AGBL4: variants seen among roughly 807,000 people sequenced by gnomAD.
The protein encoded by AGBL4 is AGBL carboxypeptidase 4, also known as cytosolic carboxypeptidase 6.
AGBL4 carries 58 observed loss-of-function variants against 66.4 expected under a neutral mutation model. The observed-to-expected ratio is 0.87, with a 90% CI of 0.71 to 1.09. The LOEUF (loss-of-function observed/expected upper bound fraction) is 1.09. Among genes scored for constraint, AGBL4 ranks in the 50% least tolerant of loss-of-function variants. The probability of loss-of-function intolerance (pLI) is 0.00; values close to 1 mark genes in which losing one functional copy is unlikely to be tolerated. For missense variants in AGBL4, 579 were observed against 631.0 expected (o/e 0.92, Z 0.88); for synonymous variants, 234 against 222.9 (o/e 1.05, Z -0.44).
At chr1:48,752,799 G>T (rs1424410689) in intron 6 of AGBL4, among the ~76,000 whole-genome samples, 2 of 152,062 alleles carry the variant, frequency 1.3e-5, no homozygotes, top group Non-Finnish European at 2.9e-5. Context: ...CGCCAGGCTG[G>T]AGTGCAGTGG....
chr1:49,197,072 A>G (rs1203414992), intron 4 of AGBL4, among the ~76,000 whole-genome samples: 2 of 152,032 alleles, frequency 1.3e-5, no homozygotes, highest in Admixed American at 1.3e-4. Context: ...CAAGTAATCT[A>G]CCTGCTTTAG....
chr1:49,196,494 T>C (rs1647261311), intron 4 of AGBL4, among the ~76,000 whole-genome samples: 1 of 152,188 alleles, frequency 6.6e-6, no homozygotes, highest in South Asian at 2.1e-4. Flanking sequence ...AAGTTTTTTA[T>C]CTGGCATTTC....
At chr1:50,018,423 AATT>A (rs1242733356) in intron 1 of AGBL4, among the ~76,000 whole-genome samples, 1 of 152,168 alleles carries the variant, frequency 6.6e-6, no homozygotes, top group Non-Finnish European at 1.5e-5. Flanking sequence ...AACTTGCAAT[AATT>A]TTTATAATGA....
intron 9 of AGBL4, among the ~76,000 whole-genome samples, chr1:48,625,595 C>T (rs1290272664): frequency 1.3e-5 from 2 of 152,132 alleles, no homozygotes; most frequent in Admixed American, 6.5e-5. Flanking sequence ...CTAATCCTAA[C>T]AGAAATTCCA....
chr1:48,579,037 C>A (rs960982042), intron 11 of AGBL4, among the ~76,000 whole-genome samples: 3 of 152,044 alleles, frequency 2.0e-5, no homozygotes, highest in African/African-American at 7.3e-5. Context: ...AAAGCCCAGG[C>A]CTGTCTCCAG....
rs144590866 is a variant in AGBL4 at position 48,946,841 on chromosome 1, G to A, written c.595-79611C>T. Among the ~76,000 whole-genome samples the A allele has an allele frequency of 2.3e-3, 344 of 152,248 alleles. 1 individual carries two copies. The highest frequency in any genetic ancestry group is 9.7e-3 in the South Asian group (47 of 4,826). ...AAGGGGACTTAGGTGATGACATCCC[G>A]GAGGAAGTAAAAGTAAAGCCAGTCT... On this transcript the variant is annotated intron_variant, in intron 5 of 13. Coordinates refer to ENST00000371839, the MANE Select transcript of AGBL4 (RefSeq NM_032785.4).
At chr1:49,505,344 T>C (rs948342467) in intron 3 of AGBL4, among the ~76,000 whole-genome samples, 4 of 152,056 alleles carry the variant, frequency 2.6e-5, no homozygotes, top group African/African-American at 9.7e-5. Context: ...CTCATATGTT[T>C]TTGTGTCACT....
intron 3 of AGBL4, among the ~76,000 whole-genome samples, chr1:49,571,392 T>C (rs1644328343): frequency 1.3e-5 from 2 of 152,084 alleles, no homozygotes; most frequent in African/African-American, 4.8e-5. Flanking sequence ...TATTGGTGTA[T>C]AGAAATGCTA....
At chr1:49,522,336 TCTAGC>T (rs1468119545) in intron 3 of AGBL4, among the ~76,000 whole-genome samples, 1 of 152,106 alleles carries the variant, frequency 6.6e-6, no homozygotes, top group Non-Finnish European at 1.5e-5. Context: ...CTAATCAACA[TCTAGC>T]CTGTTTCAAA....
At chr1:49,145,621 T>C (rs577109448) in intron 4 of AGBL4, among the ~76,000 whole-genome samples, 8 of 152,000 alleles carry the variant, frequency 5.3e-5, no homozygotes, top group Admixed American at 6.5e-5. Flanking sequence ...AAGACAGGGT[T>C]GGAATCCAGG....
chr1:49,074,071 C>T (rs1051542159), intron 4 of AGBL4, among the ~76,000 whole-genome samples: 5 of 152,180 alleles, frequency 3.3e-5, no homozygotes, highest in South Asian at 2.1e-4. Flanking sequence ...TCAGCAATGG[C>T]GGATGCCCCT....
intron 1 of AGBL4, among the ~76,000 whole-genome samples, chr1:49,879,395 T>C (rs962650911): frequency 2.7e-5 from 4 of 148,772 alleles, no homozygotes; most frequent in African/African-American, 5.0e-5. Context: ...GTCTGTAAAG[T>C]ATTTTATTTC....
intron 1 of AGBL4, among the ~76,000 whole-genome samples, chr1:49,949,276 A>G (rs1655852539): frequency 6.6e-6 from 1 of 152,034 alleles, no homozygotes; most frequent in African/African-American, 2.4e-5. Context: ...AAAAAATAAC[A>G]TCAGAAACAC....
At chr1:49,401,854 A>G (rs1375170176) in intron 3 of AGBL4, among the ~76,000 whole-genome samples, 1 of 152,074 alleles carries the variant, frequency 6.6e-6, no homozygotes, top group African/African-American at 2.4e-5. Context: ...CTTTGATTTC[A>G]TTACTTATTA....
intron 3 of AGBL4, among the ~76,000 whole-genome samples, chr1:49,326,504 A>T (rs1645231066): frequency 6.6e-6 from 1 of 152,200 alleles, no homozygotes; most frequent in Non-Finnish European, 1.5e-5. Context: ...TTATCCAGGG[A>T]TAGTATAAAG....
intron 3 of AGBL4, among the ~76,000 whole-genome samples, chr1:49,488,277 T>G (rs913509503): frequency 2.6e-5 from 4 of 151,716 alleles, no homozygotes; most frequent in Admixed American, 2.0e-4. Flanking sequence ...TGTTATATAT[T>G]CTTTGTCCAC....
intron 2 of AGBL4, among the ~76,000 whole-genome samples, chr1:49,739,968 T>A (rs945229533): frequency 6.6e-6 from 1 of 152,096 alleles, no homozygotes; most frequent in South Asian, 2.1e-4. Context: ...CTAAAGACCA[T>A]TGAGGCTAGG....
chr1:48,785,698 C>T (rs979992311), intron 6 of AGBL4, among the ~76,000 whole-genome samples: 17 of 152,252 alleles, frequency 1.1e-4, no homozygotes, highest in Admixed American at 7.8e-4. Context: ...GTAGCAGGAA[C>T]CTCATTGACA....
At chr1:48,547,205 C>T (rs1200980364) in intron 11 of AGBL4, among the ~76,000 whole-genome samples, 3 of 152,084 alleles carry the variant, frequency 2.0e-5, no homozygotes, top group Non-Finnish European at 4.4e-5. Flanking sequence ...AGGAAAATGA[C>T]ACGGTCTCAT....
Sources: allele counts gnomAD v4.1 joint callset (sites outside exome capture counted in the v4.1 genomes callset), GRCh38; gene constraint gnomAD v4.1.1; transcripts MANE v1.5; gene names NCBI Gene and HGNC (gene_info 2026-07-23, HGNC 2026-07-21).